The following LINGO2 variants were observed in gnomAD, a reference collection of about 807,000 sequenced individuals.
The protein encoded by LINGO2 is leucine-rich repeat and immunoglobulin-like domain-containing nogo receptor-interacting protein 2.
LINGO2 carries 14 observed loss-of-function variants against 30.6 expected under a neutral mutation model. The observed-to-expected ratio is 0.46, with a 90% CI of 0.30 to 0.72. The LOEUF is 0.72. LINGO2 is among the 30% of genes least tolerant of loss of function. The probability of loss-of-function intolerance (pLI) is 0.07; values close to 1 mark genes in which losing one functional copy is unlikely to be tolerated. For synonymous variants in LINGO2, 317 were observed against 288.5 expected, an observed-to-expected ratio of 1.10 and a Z score of -1.00; for missense variants, 729 against 751.7, an observed-to-expected ratio of 0.97 and a Z score of 0.35.
intron 3 of LINGO2, among the ~76,000 whole-genome samples, chr9:28,345,468 T>C (rs1819529772): frequency 6.6e-6 from 1 of 152,122 alleles, no homozygotes; most frequent in Non-Finnish European, 1.5e-5. Flanking sequence ...TAGGGTAACC[T>C]ATTGCAGCTT....
chr9:28,923,032 G>A, the LINGO2 span, among the ~76,000 whole-genome samples: 1 of 152,014 alleles, frequency 6.6e-6, no homozygotes, highest in African/African-American at 2.4e-5. Flanking sequence ...TTTGAAAAGC[G>A]AGAGAGTCAG....
At chr9:28,638,416 C>A (rs1255661823) in intron 1 of LINGO2, among the ~76,000 whole-genome samples, 3 of 152,214 alleles carry the variant, frequency 2.0e-5, no homozygotes, top group South Asian at 2.1e-4. Flanking sequence ...CCTTGTACCT[C>A]TGGTAGAATT....
chr9:28,095,228 C>A (rs1826210056), intron 4 of LINGO2, among the ~76,000 whole-genome samples: 1 of 152,112 alleles, frequency 6.6e-6, no homozygotes, highest in African/African-American at 2.4e-5. Flanking sequence ...CCTATGACCA[C>A]TGAAATGCTC....
the LINGO2 span, among the ~76,000 whole-genome samples, chr9:29,057,669 A>C: frequency 6.6e-6 from 1 of 152,126 alleles, no homozygotes; most frequent in African/African-American, 2.4e-5. Flanking sequence ...GCTCAAAAAA[A>C]CTACATAGAG....
intron 2 of LINGO2, among the ~76,000 whole-genome samples, chr9:28,445,465 G>T (rs74489847): frequency 6.6e-6 from 1 of 152,132 alleles, no homozygotes; most frequent in African/African-American, 2.4e-5. Flanking sequence ...TAGAAAAACA[G>T]GAAATAAACT....
chr9:27,941,747 C>A, the LINGO2 span: 4 of 152,172 alleles, frequency 2.6e-5, no homozygotes, highest in Admixed American at 1.3e-4. Flanking sequence ...TCACTCTCAG[C>A]CCAAGAGGAG....
the LINGO2 span, among the ~76,000 whole-genome samples, chr9:29,204,133 T>G: frequency 8.7e-4 from 133 of 152,250 alleles, no homozygotes; most frequent in African/African-American, 3.0e-3. Context: ...CAGGAAAAGT[T>G]AGTGTGATAG....
intron 4 of LINGO2, among the ~76,000 whole-genome samples, chr9:28,179,214 G>A (rs574321455): frequency 1.1e-4 from 14 of 132,332 alleles, no homozygotes; most frequent in Middle Eastern, 4.2e-3. Context: ...GATCTAATGT[G>A]TGTGGAAGCA....
chr9:28,653,848 C>CTT (rs1828220097), intron 1 of LINGO2, among the ~76,000 whole-genome samples: 1 of 152,006 alleles, frequency 6.6e-6, no homozygotes, highest in African/African-American at 2.4e-5. Flanking sequence ...GAACATCACT[C>CTT]TTTGTTAAAG....
At chr9:28,070,088 A>T (rs892919477) in intron 4 of LINGO2, among the ~76,000 whole-genome samples, 2 of 152,162 alleles carry the variant, frequency 1.3e-5, no homozygotes, top group Non-Finnish European at 2.9e-5. Context: ...AGGTTTCGCC[A>T]GATCACCTAA....
the LINGO2 span, among the ~76,000 whole-genome samples, chr9:29,100,948 G>A: frequency 6.6e-6 from 1 of 152,116 alleles, no homozygotes; most frequent in Non-Finnish European, 1.5e-5. Flanking sequence ...TGCAAACAGA[G>A]GGCAAAGGTG....
the LINGO2 span, among the ~76,000 whole-genome samples, chr9:28,923,741 A>G: frequency 1.3e-5 from 2 of 152,214 alleles, no homozygotes; most frequent in Non-Finnish European, 2.9e-5. Context: ...AACCTGGTCT[A>G]GTCATAAAAG....
chr9:27,938,033 C>T, the LINGO2 span: 1 of 152,086 alleles, frequency 6.6e-6, no homozygotes, highest in African/African-American at 2.4e-5. Flanking sequence ...TAAAATGCAT[C>T]CCCTTGAAGA....
the LINGO2 span, among the ~76,000 whole-genome samples, chr9:28,676,460 T>C: frequency 1.3e-5 from 2 of 152,164 alleles, no homozygotes; most frequent in Admixed American, 1.3e-4. Context: ...TCATAAACCA[T>C]ACCACAAGAG....
the LINGO2 span, among the ~76,000 whole-genome samples, chr9:28,762,938 G>A: frequency 2.0e-5 from 3 of 152,016 alleles, no homozygotes; most frequent in African/African-American, 7.3e-5. Context: ...AAAAAGCTGA[G>A]TTTAATTCCA....
At chr9:28,781,323 G>T in the LINGO2 span, among the ~76,000 whole-genome samples, 26 of 152,220 alleles carry the variant, frequency 1.7e-4, no homozygotes, top group Non-Finnish European at 2.9e-4. Flanking sequence ...GGGTTGGGGG[G>T]TTAGACCATA....
the LINGO2 span, among the ~76,000 whole-genome samples, chr9:28,820,922 G>A: frequency 6.6e-6 from 1 of 152,174 alleles, no homozygotes; most frequent in African/African-American, 2.4e-5. Context: ...GGTAAAGGGT[G>A]GAGGAAACAC....
At chr9:28,144,369 C>T (rs566121983) in intron 4 of LINGO2, among the ~76,000 whole-genome samples, 1 of 152,036 alleles carries the variant, frequency 6.6e-6, no homozygotes, top group Non-Finnish European at 1.5e-5. Flanking sequence ...TACAAATTAC[C>T]AAGATCTATA....
At chr9:28,958,619 C>T in the LINGO2 span, among the ~76,000 whole-genome samples, 1 of 152,024 alleles carries the variant, frequency 6.6e-6, no homozygotes, top group Non-Finnish European at 1.5e-5. Flanking sequence ...TACAATGAGC[C>T]CCCTTATCAT....
Sources: gnomAD v4.1 joint callset for allele counts (sites outside exome capture counted in the v4.1 genomes callset) on GRCh38, gnomAD v4.1.1 for gene constraint, MANE v1.5 for transcripts, NCBI Gene and HGNC (gene_info 2026-07-23, HGNC 2026-07-21) for gene names.